Variants in ZNF449 observed in about 807,000 individuals in gnomAD.
ZNF449 encodes the protein zinc finger protein 449.
In ZNF449, 4 loss-of-function variants were observed where a neutral mutation model predicts 32.6. The observed-to-expected ratio is 0.12, with a 90% CI of 0.06 to 0.28. ZNF449 has a LOEUF of 0.28. Among genes scored for constraint, ZNF449 ranks in the 10% least tolerant of loss-of-function variants. The probability of loss-of-function intolerance (pLI) is 1.00; values close to 1 mark genes in which losing one functional copy is unlikely to be tolerated. For synonymous variants in ZNF449, 123 were observed against 132.2 expected, an observed-to-expected ratio of 0.93 and a Z score of 0.48; for missense variants, 275 against 383.2, an observed-to-expected ratio of 0.72 and a Z score of 2.36.
intron 3 of ZNF449, among the ~76,000 whole-genome samples, chrX:135,355,534 T>C (rs781877317): frequency 1.8e-5 from 2 of 111,290 alleles, no homozygotes; most frequent in South Asian, 7.4e-4. Flanking sequence ...TTTTTTTCCC[T>C]GTGAAAATGT....
At position 135,360,380 on chromosome X, in the gene ZNF449, G is replaced by A; in HGVS notation, c.861G>A (p.Leu287=). 1 of 1,211,005 alleles carries A rather than the reference G, an allele frequency of 8.3e-7. No homozygotes were observed. The highest frequency in any genetic ancestry group is 1.8e-5 in the South Asian group (1 of 56,792). Residue 287 remains leucine (L), a synonymous_variant, in exon 5 of 5, where the codon CTG becomes CTA. Transcript: ENST00000339249. Reference sequence around the variant, plus strand: ...ATTTACAGACAGATTTAGCAAAACTGGTAGATCAGCAGAACCCCACTCTGG... The same window carrying A: ...ATTTACAGACAGATTTAGCAAAACTAGTAGATCAGCAGAACCCCACTCTGG... The part of the protein sequence containing the change: ...PEDLQTDLAK[L]VDQQNPTLGE...
intron 1 of ZNF449, among the ~76,000 whole-genome samples, chrX:135,345,507 C>A (rs781807207): frequency 1.7e-4 from 19 of 112,200 alleles, no homozygotes; most frequent in Admixed American, 5.6e-4. Flanking sequence ...AGGAATGACT[C>A]CTGACAAGCA....
At chrX:135,347,644 T>C (rs1556448864) in intron 2 of ZNF449, 172 bp downstream of exon 2, 1 of 1,127,721 alleles carries the variant, frequency 8.9e-7, no homozygotes, top group Non-Finnish European at 1.2e-6. Context: ...CTTTTAACTC[T>C]ATCAGACTCA....
intron 2 of ZNF449, chrX:135,347,784 A>G (rs1411297140): frequency 3.6e-5 from 22 of 609,973 alleles, no homozygotes; most frequent in Non-Finnish European, 7.5e-6. Flanking sequence ...CTGAAGGCCA[A>G]TTCTAGCCAT....
chrX:135,361,480 A>C lies in ZNF449; in HGVS notation c.*404A>C. On this transcript the variant is annotated 3_prime_UTR_variant, in exon 5 of 5. Transcript: ENST00000339249. ...ATAGTTATTCTGCTGTCATTATTAA[A>C]GATGATTATATTCATTCAAAGCTTT... The C allele has an allele frequency of 8.6e-6, 1 of 116,730 alleles. No individual in the cohort carries two copies. The highest frequency in any genetic ancestry group is 1.8e-5 in the Non-Finnish European group (1 of 56,756). 9.6% of individuals were successfully genotyped at this position (116,730 alleles called of 1,213,427 possible). A position where few individuals can be genotyped will look rare whatever the true frequency, so the allele number is the denominator to read the frequency against.
At chrX:135,347,643 C>CT (rs1235386796) in intron 2 of ZNF449, 171 bp downstream of exon 2, 11 of 1,127,318 alleles carry the variant, frequency 9.8e-6, no homozygotes, top group Non-Finnish European at 1.3e-5. Context: ...GCTTTTAACT[C>CT]TATCAGACTC....
At chrX:135,353,453 T>C (rs2084899450) in intron 3 of ZNF449, among the ~76,000 whole-genome samples, 1 of 111,616 alleles carries the variant, frequency 9.0e-6, no homozygotes, top group Middle Eastern at 4.2e-3. Context: ...TAATTTTTCC[T>C]AAGTAAAATT....
Position 135,361,658 on chromosome X carries a change from A to G in ZNF449, c.*582A>G, listed in dbSNP as rs1318417087. On this transcript the variant is annotated 3_prime_UTR_variant, in exon 5 of 5. Coordinates refer to ENST00000339249, the MANE Select transcript of ZNF449 (RefSeq NM_152695.6). ...TTATGTTTAAGGAAATTAAGATTTT[A>G]AGCTTGAAATTATACAAGCAGAATC... 1 of 111,630 alleles carries G rather than the reference A, an allele frequency of 9.0e-6. No individual in the cohort carries two copies. The highest frequency in any genetic ancestry group is 3.3e-5 in the African/African-American group (1 of 30,745). 9.2% of individuals were successfully genotyped at this position (111,630 alleles called of 1,213,427 possible). A position where few individuals can be genotyped will look rare whatever the true frequency, so the allele number is the denominator to read the frequency against.
At position 135,361,189 on chromosome X, in the gene ZNF449, A is replaced by G; in HGVS notation, c.*113A>G. The G allele has an allele frequency of 1.5e-6, 1 of 674,053 alleles. No homozygotes were observed. The highest frequency in any genetic ancestry group is 2.2e-5 in the African/African-American group (1 of 45,037). The allele number at this position is 674,053 out of a possible 1,213,427, so 55.5% of individuals were successfully genotyped here. A position where few individuals can be genotyped will look rare whatever the true frequency, so the allele number is the denominator to read the frequency against. On this transcript the variant is annotated 3_prime_UTR_variant, in exon 5 of 5. Coordinates refer to ENST00000339249, the MANE Select transcript of ZNF449 (RefSeq NM_152695.6). The stretch of plus-strand genomic sequence containing the variant: ...TTTGTTTGAGCTTATAAGAACATAG[A>G]CAGCTTTTTTTTTTACTAGTTTTAA...
intron 3 of ZNF449, among the ~76,000 whole-genome samples, chrX:135,354,376 T>C (rs2084905000): frequency 8.9e-6 from 1 of 112,254 alleles, no homozygotes; most frequent in Non-Finnish European, 1.9e-5. Context: ...GAGTAGAGGA[T>C]GGGAACTGAT....
intron 2 of ZNF449, chrX:135,348,791 C>T (rs2084866197): frequency 9.8e-7 from 1 of 1,025,487 alleles, no homozygotes; most frequent in Non-Finnish European, 1.3e-6. Flanking sequence ...TAGTCATGTA[C>T]AGCTCTTGAG....
chrX:135,359,852 T>G, intron 3 of ZNF449, 40 bp from the exon 4 acceptor site: 1 of 999,060 alleles, frequency 1.0e-6, no homozygotes, highest in Non-Finnish European at 1.4e-6. Flanking sequence ...AAACCTTTGA[T>G]GAGCCAAACT....
At chrX:135,347,749 A>C in intron 2 of ZNF449, 2 of 903,946 alleles carry the variant, frequency 2.2e-6, no homozygotes, top group Non-Finnish European at 3.0e-6. Flanking sequence ...CATCAACCCA[A>C]AGCATCAGTA....
At chrX:135,346,564 TC>T (rs782068348) in intron 1 of ZNF449, among the ~76,000 whole-genome samples, 73 of 112,028 alleles carry the variant, frequency 6.5e-4, no homozygotes, top group African/African-American at 2.3e-3. Flanking sequence ...TGCAAAGAGA[TC>T]TATAAGGGTT....
In ZNF449 at chrX:135,359,206, G is replaced by A. The variant is rs192200360; in HGVS notation, c.560-686G>A. 1.2e-3 allele frequency among the ~76,000 whole-genome samples: 135 copies of A among 111,693 alleles called. 1 individual carries two copies. Among genetic ancestry groups the A allele is most frequent in the African/African-American group, 4.2e-3 (128 of 30,823 alleles). On this transcript the variant is annotated intron_variant, in intron 3 of 4. Coordinates refer to ENST00000339249, the MANE Select transcript of ZNF449 (RefSeq NM_152695.6). ...GAATAAGGGGCTCAGAAAAGAGGAT[G>A]TAAGCAACACCAGCTGTCAATGAGG...
intron 3 of ZNF449, among the ~76,000 whole-genome samples, chrX:135,353,724 A>G (rs2084900956): frequency 9.0e-6 from 1 of 111,579 alleles, no homozygotes; most frequent in African/African-American, 3.3e-5. Context: ...TGATATTTTG[A>G]TATGTGTGTA....
chrX:135,359,851 A>G, intron 3 of ZNF449, 41 bp from the exon 4 acceptor site: 2 of 995,909 alleles, frequency 2.0e-6, no homozygotes, highest in Non-Finnish European at 2.8e-6. Flanking sequence ...AAAACCTTTG[A>G]TGAGCCAAAC....
At chrX:135,358,948 A>AT (rs1286928398) in intron 3 of ZNF449, among the ~76,000 whole-genome samples, 2 of 110,981 alleles carry the variant, frequency 1.8e-5, no homozygotes, top group Admixed American at 9.6e-5. Flanking sequence ...TAAAAAGGAA[A>AT]TTTTTTTTTC....
intron 2 of ZNF449, chrX:135,347,826 G>A: frequency 2.4e-6 from 1 of 422,846 alleles, no homozygotes; most frequent in Non-Finnish European, 3.9e-6. Flanking sequence ...TGTATGTAAT[G>A]GTTTTTTTAT....
Sources: gnomAD v4.1 joint callset for allele counts (sites outside exome capture counted in the v4.1 genomes callset) on GRCh38, gnomAD v4.1.1 for gene constraint, MANE v1.5 for transcripts, NCBI Gene and HGNC (gene_info 2026-07-23, HGNC 2026-07-21) for gene names.